Variants in CNBD1 observed in about 807,000 individuals in gnomAD.
The protein encoded by CNBD1 is cyclic nucleotide binding domain containing 1.
CNBD1 carries 71 observed loss-of-function variants against 54.4 expected under a neutral mutation model. The ratio of observed to expected loss-of-function variants is 1.30; its 90% CI spans 1.08 to 1.59. The LOEUF is 1.59. Ranked by LOEUF, CNBD1 falls within the 40% of genes most tolerant of loss-of-function variation. The pLI is 0.00. For missense variants in CNBD1, 659 were observed against 518.0 expected (o/e 1.27, Z -2.64); for synonymous variants, 182 against 170.7 (o/e 1.07, Z -0.51).
At chr8:87,223,222 T>C (rs1293349991) in intron 5 of CNBD1, among the ~76,000 whole-genome samples, 1 of 150,002 alleles carries the variant, frequency 6.7e-6, no homozygotes, top group Non-Finnish European at 1.5e-5. Flanking sequence ...GAAGTTTTTT[T>C]TTTTAATTTT....
rs190427722 is a variant in CNBD1, at chr8:86,945,468, T to C, written c.431+5714T>C. On this transcript the variant is annotated intron_variant, in intron 4 of 10. Transcript: ENST00000518476. Reference sequence around the variant, plus strand: ...AAATCCAAATGCAATATGGTTCTTATGCTGTCGTCCTCTGGTGAAATGGCA... The same window carrying C: ...AAATCCAAATGCAATATGGTTCTTACGCTGTCGTCCTCTGGTGAAATGGCA... Among the ~76,000 whole-genome samples, 218 of 152,288 alleles carry C rather than the reference T, an allele frequency of 1.4e-3. 1 individual carries two copies. Among genetic ancestry groups the C allele is most frequent in the African/African-American group, 5.1e-3 (212 of 41,568 alleles).
intron 6 of CNBD1, among the ~76,000 whole-genome samples, chr8:87,266,537 C>T (rs140490175): frequency 0.011 from 1,616 of 147,564 alleles, 32 homozygotes; most frequent in African/African-American, 0.035. Flanking sequence ...CTGCAACCTC[C>T]GCCTCCCAGG....
At chr8:87,397,007 A>G (rs1811419824) in intron 2 of CNBD1, among the ~76,000 whole-genome samples, 1 of 151,412 alleles carries the variant, frequency 6.6e-6, no homozygotes, top group African/African-American at 2.4e-5. Context: ...CATGTATTTT[A>G]AAATCTATTA....
intron 2 of CNBD1, among the ~76,000 whole-genome samples, chr8:87,392,069 G>A (rs1811320181): frequency 6.6e-6 from 1 of 152,020 alleles, no homozygotes; most frequent in South Asian, 2.1e-4. Context: ...ACTTTCACTA[G>A]TTATTAGGAA....
chr8:87,273,697 C>T (rs1047321032), intron 6 of CNBD1, among the ~76,000 whole-genome samples: 1 of 151,938 alleles, frequency 6.6e-6, no homozygotes, highest in Non-Finnish European at 1.5e-5. Context: ...TTTTCTTGCA[C>T]TCTTATCTTT....
intron 4 of CNBD1, among the ~76,000 whole-genome samples, chr8:87,031,632 C>T (rs1809794019): frequency 6.6e-6 from 1 of 152,202 alleles, no homozygotes; most frequent in African/African-American, 2.4e-5. Context: ...CAGTGAATGA[C>T]AATATTCCTG....
chr8:87,391,202 T>A (rs1811302557), intron 2 of CNBD1, among the ~76,000 whole-genome samples: 2 of 152,164 alleles, frequency 1.3e-5, no homozygotes, highest in South Asian at 4.1e-4. Flanking sequence ...GTGACAAACC[T>A]GCACGTTGTG....
In CNBD1 at chr8:87,036,594, T is replaced by TAAA. The variant is rs58299323; in HGVS notation, c.431+96863_431+96865dup. On this transcript the variant is annotated intron_variant, in intron 4 of 10. Coordinates refer to ENST00000518476, the MANE Select transcript of CNBD1 (RefSeq NM_173538.3). ...GGGCGACAGAGCGAGACTGCATCTC[T>TAAA]AAAAAAAAAAAAAAAAAAAAAAAAA... is the stretch of plus-strand genomic sequence containing the variant. 9.6e-3 allele frequency among the ~76,000 whole-genome samples: 620 copies of TAAA among 64,718 alleles called. 25 individuals carry two copies. The highest frequency in any genetic ancestry group is 0.023 in the Middle Eastern group (2 of 86). The allele number at this position is 64,718 out of a possible 152,430, so 42.5% of individuals were successfully genotyped here.
At chr8:86,930,330 T>G (rs1809435748) in intron 3 of CNBD1, among the ~76,000 whole-genome samples, 1 of 152,106 alleles carries the variant, frequency 6.6e-6, no homozygotes, top group South Asian at 2.1e-4. Context: ...GTACCCTTGA[T>G]TAGCTAGAAA....
intron 5 of CNBD1, among the ~76,000 whole-genome samples, chr8:87,229,992 C>G (rs1317047424): frequency 1.3e-5 from 2 of 152,082 alleles, no homozygotes; most frequent in Non-Finnish European, 2.9e-5. Flanking sequence ...CCTCATGGTA[C>G]CACAGTCTGT....
intron 6 of CNBD1, among the ~76,000 whole-genome samples, chr8:87,261,713 C>T (rs989133938): frequency 6.6e-6 from 1 of 152,092 alleles, no homozygotes; most frequent in Non-Finnish European, 1.5e-5. Flanking sequence ...CAGGTGCCTA[C>T]TTCTAAGTTA....
intron 4 of CNBD1, among the ~76,000 whole-genome samples, chr8:87,132,604 A>T (rs1038842910): frequency 6.8e-6 from 1 of 148,076 alleles, no homozygotes; most frequent in Non-Finnish European, 1.5e-5. Flanking sequence ...TTATATATCA[A>T]GATATATATT....
At chr8:87,381,067 C>G (rs1811062994) in intron 10 of CNBD1, among the ~76,000 whole-genome samples, 1 of 151,990 alleles carries the variant, frequency 6.6e-6, no homozygotes, top group Non-Finnish European at 1.5e-5. Context: ...AACGTTTGCA[C>G]AGCAAAGGAA....
intron 6 of CNBD1, among the ~76,000 whole-genome samples, chr8:87,242,399 C>A (rs1324800697): frequency 1.3e-5 from 2 of 152,302 alleles, no homozygotes; most frequent in Non-Finnish European, 2.9e-5. Context: ...CTGGAGGCTT[C>A]ATCTGCATAA....
intron 2 of CNBD1, among the ~76,000 whole-genome samples, chr8:87,390,426 T>C (rs112582087): frequency 0.019 from 2,870 of 152,002 alleles, 93 homozygotes; most frequent in African/African-American, 0.063. Flanking sequence ...AAAAAGTGGG[T>C]GAAGGATATG....
intron 4 of CNBD1, among the ~76,000 whole-genome samples, chr8:87,064,824 TATC>T (rs551753148): frequency 6.0e-4 from 91 of 152,094 alleles, no homozygotes; most frequent in African/African-American, 2.1e-3. Context: ...ATCTGTAATT[TATC>T]ATCTTTCATC....
At chr8:87,117,235 A>G (rs1811791171) in intron 4 of CNBD1, among the ~76,000 whole-genome samples, 3 of 151,734 alleles carry the variant, frequency 2.0e-5, no homozygotes, top group African/African-American at 7.3e-5. Flanking sequence ...CATCTCTACT[A>G]AAAAAATGCA....
intron 3 of CNBD1, among the ~76,000 whole-genome samples, chr8:86,913,155 T>C (rs1809130245): frequency 6.6e-6 from 1 of 152,100 alleles, no homozygotes; most frequent in Non-Finnish European, 1.5e-5. Flanking sequence ...AGAAAAATAT[T>C]TTACAAATAA....
chr8:87,320,507 G>T (rs1809500337), intron 8 of CNBD1, among the ~76,000 whole-genome samples: 1 of 151,798 alleles, frequency 6.6e-6, no homozygotes, highest in Non-Finnish European at 1.5e-5. Context: ...ATTTTGCCAC[G>T]AGTTAAAATT....
Sources: gnomAD v4.1 joint callset for allele counts (sites outside exome capture counted in the v4.1 genomes callset) on GRCh38, gnomAD v4.1.1 for gene constraint, MANE v1.5 for transcripts, NCBI Gene and HGNC (gene_info 2026-07-23, HGNC 2026-07-21) for gene names.